Variants in CELSR2 observed in about 807,000 individuals in gnomAD.
CELSR2 encodes the protein EGF-like protein 2.
In CELSR2, 81 loss-of-function variants were observed where a neutral mutation model predicts 251.6. The ratio of observed to expected loss-of-function variants is 0.32; its 90% CI spans 0.27 to 0.39. The LOEUF is 0.39. Among genes scored for constraint, CELSR2 ranks in the 10% least tolerant of loss-of-function variants. The pLI, the probability that CELSR2 is intolerant of heterozygous loss-of-function variation, is 1.00. For missense variants in CELSR2, 3,365 were observed against 3,947.7 expected (o/e 0.85, Z 3.96); for synonymous variants, 1,721 against 1,670.5 (o/e 1.03, Z -0.74).
chr1:109,251,427 G>A lies in CELSR2; in HGVS notation c.1348G>A (p.Asp450Asn). ...SGNARGQFYL[D>N]AQTGALDVVS... ...CAATGCTCGGGGACAGTTTTATCTG[G>A]ATGCCCAGACTGGAGCTCTGGATGT... The change falls in exon 1 of 34, where the codon GAT becomes AAT. Residue 450 changes from aspartate to asparagine, a missense_variant. Asp to Asn is a conservative substitution (Grantham distance 23). Transcript: ENST00000271332. The surrounding 1 kb of genome is among the most constrained non-coding windows in gnomAD (Gnocchi z 4.9). 6.2e-7 allele frequency: 1 copy of A among 1,613,932 alleles called. No homozygotes were observed. The highest frequency in any genetic ancestry group is 8.5e-7 in the Non-Finnish European group (1 of 1,180,030).
At chr1:109,267,664 C>T (rs201144855) in intron 16 of CELSR2, 22 bp downstream of exon 16, 1 of 1,613,118 alleles carries the variant, frequency 6.2e-7, no homozygotes, top group Non-Finnish European at 8.5e-7. Context: ...CCCTCATCTC[C>T]ATCTTTTCCC....
chr1:109,268,966 G>A lies in CELSR2; in HGVS notation c.6589G>A (p.Asp2197Asn). 1 of 1,613,592 alleles carries A rather than the reference G, an allele frequency of 6.2e-7. No individual in the cohort carries two copies. The highest frequency in any genetic ancestry group is 8.5e-7 in the Non-Finnish European group (1 of 1,179,700). ...YEALRGEQPP[D>N]LETTVILPES... is the part of the protein sequence containing the mutation. ...GGCCCTGCGTGGGGAGCAGCCCCCG[G>A]ACCTTGAGACAACAGTCATTCTGCC... The change falls in exon 19 of 34, where the codon GAC becomes AAC. Residue 2197 changes from aspartate to asparagine, a missense_variant. Physicochemically the swap from Asp to Asn is conservative, Grantham distance 23. Coordinates refer to ENST00000271332, the MANE Select transcript of CELSR2 (RefSeq NM_001408.3).
rs921131900 is a variant in CELSR2 at position 109,250,003 on chromosome 1, G to T, written c.-77G>T. Reference sequence around the variant, plus strand: ...ACTGGCGCCCTGGCCCGGGCATGAGGCGCGGCGGGGCCGGCAGGAGCCGGA... The same window carrying T: ...ACTGGCGCCCTGGCCCGGGCATGAGTCGCGGCGGGGCCGGCAGGAGCCGGA... On this transcript the variant is annotated 5_prime_UTR_variant, in exon 1 of 34. Coordinates refer to ENST00000271332, the MANE Select transcript of CELSR2 (RefSeq NM_001408.3). This position sits in a 1 kb window ranked among gnomAD's most constrained non-coding sequence, Gnocchi z 4.4. 13 of 1,223,398 alleles carry T rather than the reference G, an allele frequency of 1.1e-5. No individual in the cohort carries two copies. The highest frequency in any genetic ancestry group is 2.0e-6 in the Non-Finnish European group (2 of 983,952). 75.8% of individuals were successfully genotyped at this position (1,223,398 alleles called of 1,614,324 possible). A position where few individuals can be genotyped will look rare whatever the true frequency, so the allele number is the denominator to read the frequency against.
intron 33 of CELSR2, 134 bp from the exon 34 acceptor site, chr1:109,273,888 G>T: frequency 1.5e-6 from 2 of 1,296,872 alleles, no homozygotes; most frequent in South Asian, 1.2e-5. Flanking sequence ...CCCAGCCTAG[G>T]GCAGAGTGCG....
In CELSR2 at chr1:109,261,244, C is replaced by T. The variant is rs754495881; in HGVS notation, c.4161C>T (p.Phe1387=). Residue 1387 remains phenylalanine (F), a synonymous_variant, in exon 3 of 34, where the codon TTC becomes TTT. Coordinates refer to ENST00000271332, the MANE Select transcript of CELSR2 (RefSeq NM_001408.3). This position sits in a 1 kb window ranked among gnomAD's most constrained non-coding sequence, Gnocchi z 4.8. The stretch of plus-strand genomic sequence containing the variant: ...CCTTTCGCGGCCTGCGCCAGCGTTT[C>T]CACTTCACCCTGGCCCTCTCGTGAG... ...FITFRGLRQR[F]HFTLALSFAT... 5.0e-6 allele frequency: 8 copies of T among 1,613,502 alleles called. No homozygotes were observed. In the South Asian group the frequency reaches 8.8e-5, roughly 18 times the overall value.
At position 109,267,659 on chromosome 1, in the gene CELSR2, A is replaced by G. The variant is rs755586492; in HGVS notation, c.6108+17A>G. The G allele has an allele frequency of 9.9e-6, 16 of 1,613,342 alleles. No homozygotes were observed. Among genetic ancestry groups the G allele is most frequent in the Middle Eastern group, 1.6e-4 (1 of 6,084 alleles). On this transcript the variant is annotated intron_variant, in intron 16 of 33. Coordinates refer to ENST00000271332, the MANE Select transcript of CELSR2 (RefSeq NM_001408.3). Reference sequence around the variant, plus strand: ...AAGGGCTTCGTAAGTGAACCCCCTCATCTCCATCTTTTCCCTGTCCTTCGT... The same window carrying G: ...AAGGGCTTCGTAAGTGAACCCCCTCGTCTCCATCTTTTCCCTGTCCTTCGT...
intron 2 of CELSR2, 103 bp from the exon 3 acceptor site, chr1:109,260,939 A>G (rs1172454542): frequency 3.6e-6 from 3 of 823,364 alleles, no homozygotes; most frequent in Non-Finnish European, 5.9e-6. Flanking sequence ...GAGTATTACG[A>G]GGGTCACGGG....
chr1:109,258,360 G>T, intron 1 of CELSR2, 72 bp from the exon 2 acceptor site: 2 of 1,102,162 alleles, frequency 1.8e-6, no homozygotes, highest in Non-Finnish European at 2.6e-6. Context: ...AGCCTTTCTT[G>T]GTGGGTGGTG....
In CELSR2 at chr1:109,271,309, T is replaced by C. The variant is rs201607417; in HGVS notation, c.7676+13T>C. On this transcript the variant is annotated intron_variant, in intron 26 of 33. Transcript: ENST00000271332. The stretch of plus-strand genomic sequence containing the variant: ...AGAAAGGTCCTGTGTGAGTATAGGG[T>C]TGGGGTGCCTGGGCCATGGGCAGGC... The C allele has an allele frequency of 6.2e-6, 10 of 1,613,628 alleles. No individual in the cohort carries two copies. Among genetic ancestry groups the C allele is most frequent in the Non-Finnish European group, 8.5e-6 (10 of 1,179,952 alleles).
In CELSR2 at chr1:109,269,670, C is replaced by T. The variant is rs1395971451; in HGVS notation, c.6981-24C>T. ...CTGCATGCCTCACCCTCCTTGTCTCCCTGACCCTGCCTTCCTCACACAGGG... is the reference window on the plus strand; with the variant it reads ...CTGCATGCCTCACCCTCCTTGTCTCTCTGACCCTGCCTTCCTCACACAGGG... On this transcript the variant is annotated intron_variant, in intron 21 of 33. Coordinates refer to ENST00000271332, the MANE Select transcript of CELSR2 (RefSeq NM_001408.3). The surrounding 1 kb of genome is among the most constrained non-coding windows in gnomAD (Gnocchi z 6.4). The T allele has an allele frequency of 1.2e-6, 2 of 1,614,038 alleles. No homozygotes were observed. Among genetic ancestry groups the T allele is most frequent in the African/African-American group, 1.3e-5 (1 of 75,058 alleles).
chr1:109,274,263 C>A lies in CELSR2; in HGVS notation c.*214C>A. 8.0e-7 allele frequency: 1 copy of A among 1,249,310 alleles called. No homozygotes were observed. Among genetic ancestry groups the A allele is most frequent in the Non-Finnish European group, 1.1e-6 (1 of 932,198 alleles). 77.4% of individuals were successfully genotyped at this position (1,249,310 alleles called of 1,614,324 possible). A position where few individuals can be genotyped will look rare whatever the true frequency, so the allele number is the denominator to read the frequency against. On this transcript the variant is annotated 3_prime_UTR_variant, in exon 34 of 34. Transcript: ENST00000271332. The stretch of plus-strand genomic sequence containing the variant: ...AACTCCCCCCCCACCATTCCCCTCA[C>A]TGCACTTTGGACCCCTGGGGCCAAC...
At position 109,273,005 on chromosome 1, in the gene CELSR2, G is replaced by A. The variant is rs1418602437; in HGVS notation, c.8316G>A (p.Leu2772=). ...TGCTGGGGCCTGGAGCAGAGAGACTGCCCCTGCACAGTACTCCCAAGGGTG... is the reference window on the plus strand; with the variant it reads ...TGCTGGGGCCTGGAGCAGAGAGACTACCCCTGCACAGTACTCCCAAGGGTG... The part of the protein sequence containing the change: ...DSLLGPGAER[L]PLHSTPKDGG... The change falls in exon 31 of 34, where the codon CTG becomes CTA. Residue 2772 remains leucine, a synonymous_variant. Coordinates refer to ENST00000271332, the MANE Select transcript of CELSR2 (RefSeq NM_001408.3). The A allele has an allele frequency of 6.2e-7, 1 of 1,613,126 alleles. No homozygotes were observed. The highest frequency in any genetic ancestry group is 8.5e-7 in the Non-Finnish European group (1 of 1,179,520).
Position 109,263,770 on chromosome 1 carries a change from C to G in CELSR2, c.4994C>G (p.Thr1665Ser), listed in dbSNP as rs1317451976. 1 of 1,612,854 alleles carries G rather than the reference C, an allele frequency of 6.2e-7. No individual in the cohort carries two copies. Among genetic ancestry groups the G allele is most frequent in the Non-Finnish European group, 8.5e-7 (1 of 1,179,798 alleles). ...ATCACCAGGGGGCGCAGCACCATCACCCTACAGGTGATGCATGGAAGGGCG... is the reference window on the plus strand; with the variant it reads ...ATCACCAGGGGGCGCAGCACCATCAGCCTACAGGTGATGCATGGAAGGGCG... ...QAITRGRSTI[T>S]LQLREGHVML... The change falls in exon 9 of 34, where the codon ACC becomes AGC. Residue 1665 changes from threonine to serine, a missense_variant. Transcript: ENST00000271332.
rs1487863697 is a variant in CELSR2 at position 109,259,020 on chromosome 1, A to G, written c.3899A>G (p.His1300Arg). The G allele has an allele frequency of 6.2e-7, 1 of 1,601,148 alleles. No homozygotes were observed. Among genetic ancestry groups the G allele is most frequent in the Non-Finnish European group, 8.5e-7 (1 of 1,177,638 alleles). The change falls in exon 2 of 34, where the codon CAC (histidine) becomes CGC (arginine). Residue 1300 changes from histidine to arginine, a missense_variant. Physicochemically the swap from His to Arg is conservative, Grantham distance 29 (BLOSUM62 0). Coordinates refer to ENST00000271332, the MANE Select transcript of CELSR2 (RefSeq NM_001408.3). ...DLCYSRPCGP[H>R]GRCRSREGGY... is the part of the protein sequence containing the mutation. The stretch of plus-strand genomic sequence containing the variant: ...TGCTACTCGCGGCCCTGTGGCCCCC[A>G]CGGGCGCTGCCGCAGCCGCGAGGGC...
chr1:109,253,417 G>A (rs1209657188), intron 1 of CELSR2, 28 bp downstream of exon 1: 2 of 1,600,000 alleles, frequency 1.3e-6, no homozygotes, highest in Non-Finnish European at 1.7e-6. Context: ...TGGCGCTGGG[G>A]TGGGGGTAGC....
At position 109,249,935 on chromosome 1, in the gene CELSR2, A is replaced by G. The variant is rs1655624930; in HGVS notation, c.-145A>G. On this transcript the variant is annotated 5_prime_UTR_variant, in exon 1 of 34. Transcript: ENST00000271332. ...GTGCAGCGCGGGGTCCCGCCGAGCC[A>G]TCCAGACGCAGGCCCCGCGGGGCGC... The G allele has an allele frequency of 2.9e-6, 2 of 696,324 alleles. No homozygotes were observed. The highest frequency in any genetic ancestry group is 3.8e-6 in the Non-Finnish European group (2 of 526,188). 43.1% of individuals were successfully genotyped at this position (696,324 alleles called of 1,614,324 possible).
In CELSR2 at chr1:109,265,264, G is replaced by C; in HGVS notation, c.5680G>C (p.Gly1894Arg). Residue 1894 changes from glycine (G) to arginine (R), a missense_variant, in exon 13 of 34, where the codon GGC (glycine) becomes CGC (arginine). Physicochemically the swap from Gly to Arg is moderately radical, Grantham distance 125 (BLOSUM62 -2). Transcript: ENST00000271332. ...CGPCNCDVSK[G>R]FDPDCNKTSG... is the part of the protein sequence containing the mutation. ...CCCATGCAACTGTGATGTCAGCAAA[G>C]GCTTTGACCCAGACTGCAACAAGAC... 6.2e-7 allele frequency: 1 copy of C among 1,613,048 alleles called. No homozygotes were observed. Among genetic ancestry groups the C allele is most frequent in the Non-Finnish European group, 8.5e-7 (1 of 1,179,380 alleles).
rs1656024597 is a variant in CELSR2 at position 109,261,652 on chromosome 1, T to G, written c.4297+24T>G. ...AGGTGATCACAGTTGCCCCCCATCCTTGCCCATCTTCCAAAGGCCCCAAGT... is the reference window on the plus strand; with the variant it reads ...AGGTGATCACAGTTGCCCCCCATCCGTGCCCATCTTCCAAAGGCCCCAAGT... On this transcript the variant is annotated intron_variant, in intron 4 of 33. Coordinates refer to ENST00000271332, the MANE Select transcript of CELSR2 (RefSeq NM_001408.3). This position sits in a 1 kb window ranked among gnomAD's most constrained non-coding sequence, Gnocchi z 4.8. 2 of 1,600,124 alleles carry G rather than the reference T, an allele frequency of 1.2e-6. No homozygotes were observed. The highest frequency in any genetic ancestry group is 1.7e-6 in the Non-Finnish European group (2 of 1,167,270).
In CELSR2 at chr1:109,258,557, C is replaced by T. The variant is rs1407154285; in HGVS notation, c.3436C>T (p.Leu1146=). The change falls in exon 2 of 34, where the codon CTA becomes TTA. Residue 1146 remains leucine, a synonymous_variant. Coordinates refer to ENST00000271332, the MANE Select transcript of CELSR2 (RefSeq NM_001408.3). ...ACCCGAGCGCTTCCTGTCACCACTG[C>T]TAGGCCTCTTCATCCAGGCGGTGGC... is the stretch of plus-strand genomic sequence containing the variant. ...MSPERFLSPL[L]GLFIQAVAAT... is the part of the protein sequence containing the mutation. 2 of 1,604,684 alleles carry T rather than the reference C, an allele frequency of 1.2e-6. No individual in the cohort carries two copies. The highest frequency in any genetic ancestry group is 2.2e-5 in the East Asian group (1 of 44,490).
Sources: allele counts gnomAD v4.1 joint callset, GRCh38; gene constraint gnomAD v4.1.1; non-coding constraint Gnocchi (gnomAD v3.1); transcripts MANE v1.5; gene names NCBI Gene and HGNC (gene_info 2026-07-23, HGNC 2026-07-21).